The following CCNYL1 variants were observed in gnomAD, a reference collection of about 807,000 sequenced individuals.
CCNYL1 encodes the protein cyclin Y like 1, also known as cyclin-Y-like protein 1.
In CCNYL1, 16 loss-of-function variants were observed where a neutral mutation model predicts 44.2. The ratio of observed to expected loss-of-function variants is 0.36; its 90% CI spans 0.25 to 0.55. CCNYL1 has a LOEUF of 0.55. Among genes scored for constraint, CCNYL1 ranks in the 20% least tolerant of loss-of-function variants. CCNYL1 has a pLI of 0.85. For missense variants in CCNYL1, 348 were observed against 451.8 expected (o/e 0.77, Z 2.08); for synonymous variants, 159 against 163.2 (o/e 0.97, Z 0.20).
chr2:207,745,121 T>C (rs974366784), intron 7 of CCNYL1, among the ~76,000 whole-genome samples: 2 of 151,408 alleles, frequency 1.3e-5, no homozygotes, highest in East Asian at 3.9e-4. Flanking sequence ...TAAGGAGAGA[T>C]GGGAGATGAG....
intron 4 of CCNYL1, among the ~76,000 whole-genome samples, chr2:207,735,970 G>C (rs778965231): frequency 1.3e-5 from 2 of 152,164 alleles, no homozygotes; most frequent in Non-Finnish European, 2.9e-5. Context: ...TTGGAAGTTA[G>C]GCAGTTTTTA....
In CCNYL1 at chr2:207,755,624, C is replaced by T. The variant is rs1321359262; in HGVS notation, c.*1926C>T. ...TTAACATGTAATAAAAGGAATTGGA[C>T]CCTAATTATAGAAGGTGATATGAAC... is the stretch of plus-strand genomic sequence containing the variant. On this transcript the variant is annotated 3_prime_UTR_variant, in exon 10 of 10. Coordinates refer to ENST00000295414, the MANE Select transcript of CCNYL1 (RefSeq NM_001330218.2). 1 of 152,084 alleles carries T rather than the reference C, an allele frequency of 6.6e-6. No homozygotes were observed. The highest frequency in any genetic ancestry group is 6.5e-5 in the Admixed American group (1 of 15,268). 9.4% of individuals were successfully genotyped at this position (152,084 alleles called of 1,614,324 possible).
At chr2:207,714,711 A>T (rs554962256) in intron 1 of CCNYL1, 23 of 157,364 alleles carry the variant, frequency 1.5e-4, no homozygotes, top group Admixed American at 1.3e-3. Context: ...GAAAAAGAGA[A>T]TTTGTAAGCA....
rs557531406 is a variant in CCNYL1 at position 207,754,111 on chromosome 2, G to C, written c.*413G>C. On this transcript the variant is annotated 3_prime_UTR_variant, in exon 10 of 10. Coordinates refer to ENST00000295414, the MANE Select transcript of CCNYL1 (RefSeq NM_001330218.2). ...CCTCCCCCCGCATTTTGCTGCATAT[G>C]CCTTTAAAATCAATGCAGTATTACC... The C allele has an allele frequency of 6.4e-6, 1 of 156,140 alleles. No homozygotes were observed. The highest frequency in any genetic ancestry group is 2.0e-4 in the South Asian group (1 of 5,002). 9.7% of individuals were successfully genotyped at this position (156,140 alleles called of 1,614,324 possible).
intron 1 of CCNYL1, among the ~76,000 whole-genome samples, chr2:207,712,393 T>G (rs2091556964): frequency 6.6e-6 from 1 of 152,224 alleles, no homozygotes; most frequent in African/African-American, 2.4e-5. Context: ...CCCTTCTTGT[T>G]TGTAGCTCTG....
At chr2:207,721,388 T>C (rs1298941348) in intron 1 of CCNYL1, among the ~76,000 whole-genome samples, 1 of 152,242 alleles carries the variant, frequency 6.6e-6, no homozygotes, top group Non-Finnish European at 1.5e-5. Flanking sequence ...TTAACACTTT[T>C]AGCCTTTAGT....
At chr2:207,721,285 C>G (rs2091638273) in intron 1 of CCNYL1, among the ~76,000 whole-genome samples, 1 of 152,186 alleles carries the variant, frequency 6.6e-6, no homozygotes, top group Admixed American at 6.6e-5. Context: ...CTGAAATATG[C>G]TGCTTCTGTC....
At chr2:207,742,798 T>A (rs1344475481) in intron 7 of CCNYL1, among the ~76,000 whole-genome samples, 1 of 152,236 alleles carries the variant, frequency 6.6e-6, no homozygotes, top group Non-Finnish European at 1.5e-5. Flanking sequence ...TCTTTGTTCC[T>A]TGGATGATGG....
At chr2:207,739,820 C>T (rs996307373) in intron 5 of CCNYL1, among the ~76,000 whole-genome samples, 1 of 152,164 alleles carries the variant, frequency 6.6e-6, no homozygotes, top group Non-Finnish European at 1.5e-5. Context: ...AGCATAACTT[C>T]TAGTATAATT....
At chr2:207,750,487 C>T (rs1460042168) in intron 8 of CCNYL1, among the ~76,000 whole-genome samples, 5 of 152,104 alleles carry the variant, frequency 3.3e-5, no homozygotes, top group Admixed American at 1.3e-4. Context: ...TTGATGGATC[C>T]ATTTGTTGCC....
intron 1 of CCNYL1, among the ~76,000 whole-genome samples, 189 bp downstream of exon 1, chr2:207,712,305 C>G (rs904039856): frequency 2.0e-5 from 3 of 152,200 alleles, no homozygotes; most frequent in African/African-American, 7.2e-5. Flanking sequence ...GTTTCTTTTC[C>G]TCCTCCTTAC....
chr2:207,734,069 A>G (rs764803405), intron 4 of CCNYL1, 22 bp downstream of exon 4: 19 of 1,489,502 alleles, frequency 1.3e-5, no homozygotes, highest in African/African-American at 1.2e-4. Flanking sequence ...TAGGCTGCCA[A>G]GGGCTGAGTG....
intron 3 of CCNYL1, among the ~76,000 whole-genome samples, chr2:207,733,266 C>G (rs62189194): frequency 0.011 from 1,646 of 152,268 alleles, 19 homozygotes; most frequent in Middle Eastern, 0.041. Context: ...AGAGTGTTCT[C>G]TGAGGTTCTC....
At chr2:207,732,192 T>C (rs1051951128) in intron 3 of CCNYL1, among the ~76,000 whole-genome samples, 2 of 152,218 alleles carry the variant, frequency 1.3e-5, no homozygotes, top group African/African-American at 4.8e-5. Context: ...ACAATAAAAG[T>C]ATATACATTA....
intron 5 of CCNYL1, among the ~76,000 whole-genome samples, chr2:207,738,526 T>G (rs575517775): frequency 6.6e-6 from 1 of 151,518 alleles, no homozygotes; most frequent in Admixed American, 6.6e-5. Flanking sequence ...CGGCCAGTAT[T>G]CTTTAATACT....
chr2:207,725,328 T>C (rs1425616688), intron 2 of CCNYL1, among the ~76,000 whole-genome samples: 1 of 152,116 alleles, frequency 6.6e-6, no homozygotes, highest in Non-Finnish European at 1.5e-5. Context: ...GGTTTCACCA[T>C]GTTGGCCAGG....
At chr2:207,717,502 ACAT>A (rs1184905436) in intron 1 of CCNYL1, among the ~76,000 whole-genome samples, 1 of 152,184 alleles carries the variant, frequency 6.6e-6, no homozygotes, top group Admixed American at 6.5e-5. Flanking sequence ...GATAGATAAT[ACAT>A]GAATAATCAA....
chr2:207,713,345 C>G (rs1466134344), intron 1 of CCNYL1, among the ~76,000 whole-genome samples: 1 of 152,146 alleles, frequency 6.6e-6, no homozygotes, highest in South Asian at 2.1e-4. Context: ...CCTGCCTGCT[C>G]AAGAGTATTT....
At chr2:207,748,474 C>T (rs539235971) in intron 8 of CCNYL1, among the ~76,000 whole-genome samples, 32 of 152,278 alleles carry the variant, frequency 2.1e-4, no homozygotes, top group African/African-American at 7.7e-4. Flanking sequence ...AAGGGAAGGG[C>T]CTTGGAGCTT....
Sources: gnomAD v4.1 joint callset for allele counts (sites outside exome capture counted in the v4.1 genomes callset) on GRCh38, gnomAD v4.1.1 for gene constraint, MANE v1.5 for transcripts, NCBI Gene and HGNC (gene_info 2026-07-23, HGNC 2026-07-21) for gene names.